ARL17B: variants seen among roughly 807,000 people sequenced by gnomAD.
The protein encoded by ARL17B is ADP-ribosylation factor-like protein 17.
chr17:46,278,990 CTTTCACCATGTTGGTCAGG>C (rs1482360442), intron 4 of ARL17B, among the ~76,000 whole-genome samples: 2 of 151,602 alleles, frequency 1.3e-5, no homozygotes, highest in Admixed American at 1.3e-4. Context: ...TACAGATGGG[CTTTCACCATGTTGGTCAGG>C]CTGGTCTCGA....
At chr17:46,274,378 T>C (rs1000862489), downstream of ARL17B, among the ~76,000 whole-genome samples, 4 of 152,274 alleles carry the variant, frequency 2.6e-5, no homozygotes, top group African/African-American at 9.6e-5. Flanking sequence ...CCAGAGTCTG[T>C]AGTCCAGGAC....
Position 46,317,124 on chromosome 17 carries a change from G to A in ARL17B, c.260-17459C>T, listed in dbSNP as rs2051181183. Among the ~76,000 whole-genome samples, 2 of 88,526 alleles carry A rather than the reference G, an allele frequency of 2.3e-5. 1 individual carries two copies. 58.1% of individuals were successfully genotyped at this position (88,526 alleles called of 152,430 possible). The stretch of plus-strand genomic sequence containing the variant: ...CATGGCCCGTTCTCAATGAGCTGTT[G>A]GGTACACCTCCCAGATGGGGTGGCG... On this transcript the variant is annotated intron_variant, in intron 3 of 4. Transcript: ENST00000434041.
chr17:46,290,667 G>A (rs1186733076), intron 4 of ARL17B, among the ~76,000 whole-genome samples: 2 of 152,092 alleles, frequency 1.3e-5, no homozygotes, highest in Non-Finnish European at 2.9e-5. Flanking sequence ...GGCTGGTCTC[G>A]AACTCCTGAC....
chr17:46,274,234 C>T (rs2732707), downstream of ARL17B, among the ~76,000 whole-genome samples: 15,597 of 144,004 alleles, frequency 0.11, 1 homozygote, highest in Middle Eastern at 0.18. Context: ...CACATACATC[C>T]ATAGTTGAAT....
Position 46,287,452 on chromosome 17 carries a change from G to A in ARL17B, c.*22-12034C>T, listed in dbSNP as rs548973128. On this transcript the variant is annotated intron_variant, in intron 4 of 4. Coordinates refer to the ARL17B transcript ENST00000570618. ...AGCAAAGCGCAAACACCAAGTAGAA[G>A]TTACACTACAAGGACCATGCAGGTC... Among the ~76,000 whole-genome samples the A allele has an allele frequency of 2.6e-5, 4 of 152,338 alleles. No individual in the cohort carries two copies. In the East Asian group the frequency reaches 7.7e-4, roughly 29 times the overall value.
At chr17:46,286,568 A>G (rs2049919860) in intron 4 of ARL17B, among the ~76,000 whole-genome samples, 1 of 152,256 alleles carries the variant, frequency 6.6e-6, no homozygotes, top group South Asian at 2.1e-4. Context: ...CAAATCTACC[A>G]TTAAACCACA....
At chr17:46,275,254 C>G in exon 5 of ARL17B, 1 of 481,294 alleles carries the variant, frequency 2.1e-6, no homozygotes, top group Admixed American at 4.2e-5. Context: ...CTGTTATGAC[C>G]AATAAAAACA....
chr17:46,332,459 TAAAA>T (rs1318003987), downstream of ARL17B: 1 of 500,640 alleles, frequency 2.0e-6, no homozygotes, highest in Non-Finnish European at 3.5e-6. Context: ...TTCAAAAAAA[TAAAA>T]AAGAACCTGT....
chr17:46,274,226 C>A (rs1262797396), downstream of ARL17B, among the ~76,000 whole-genome samples: 1 of 152,234 alleles, frequency 6.6e-6, no homozygotes, highest in African/African-American at 2.4e-5. Flanking sequence ...TTTTGTTTCA[C>A]ATACATCCAT....
At chr17:46,306,557 AC>A (rs1394415097) in intron 3 of ARL17B, among the ~76,000 whole-genome samples, 1 of 61,226 alleles carries the variant, frequency 1.6e-5, no homozygotes, top group African/African-American at 4.1e-5. Context: ...CAAAGAAGTG[AC>A]CCTCAAATTA....
At chr17:46,278,972 AT>A (rs1250485259) in intron 4 of ARL17B, among the ~76,000 whole-genome samples, 1 of 151,658 alleles carries the variant, frequency 6.6e-6, no homozygotes. Context: ...TAATTTTTGT[AT>A]TTTTAGTACA....
intron 4 of ARL17B, among the ~76,000 whole-genome samples, chr17:46,277,985 G>A (rs1328106690): frequency 3.3e-5 from 5 of 151,530 alleles, no homozygotes; most frequent in South Asian, 2.1e-4. Context: ...CGTTCTTGTC[G>A]CCCAGGCTGA....
chr17:46,280,317 T>G (rs2049726658), intron 4 of ARL17B, among the ~76,000 whole-genome samples: 1 of 151,980 alleles, frequency 6.6e-6, no homozygotes, highest in African/African-American at 2.4e-5. Context: ...TGAGGTGAGA[T>G]TGCACCACTG....
intron 4 of ARL17B, among the ~76,000 whole-genome samples, chr17:46,276,790 C>CTTTTCTTTTTTTTTTTTTTTTT (rs2049598576): frequency 5.2e-5 from 7 of 134,310 alleles, no homozygotes; most frequent in Admixed American, 7.7e-5. Context: ...TTCTTTTTTT[C>CTTTTCTTTTTTTTTTTTTTTTT]TTTTTTTTTT....
At position 46,317,180 on chromosome 17, in the gene ARL17B, C is replaced by T. The variant is rs1201300878; in HGVS notation, c.260-17515G>A. Among the ~76,000 whole-genome samples the T allele has an allele frequency of 3.6e-5, 3 of 84,344 alleles. 1 individual carries two copies. The highest frequency in any genetic ancestry group is 6.2e-5 in the African/African-American group (2 of 32,404). 55.3% of individuals were successfully genotyped at this position (84,344 alleles called of 152,430 possible). On this transcript the variant is annotated intron_variant, in intron 3 of 4. Coordinates refer to the ARL17B transcript ENST00000434041. ...GCAGAGGCGCTCCTCACATCCCAGA[C>T]GGGCATGCCCAGTTAGTTTTAAATT...
chr17:46,321,357 GAAAAAAAAAAA>G (rs763727306), intron 3 of ARL17B, among the ~76,000 whole-genome samples: 6 of 31,356 alleles, frequency 1.9e-4, no homozygotes, highest in Admixed American at 1.1e-3. Flanking sequence ...CTCCGTCTCA[GAAAAAAAAAAA>G]AAAAAAAAAA....
At chr17:46,323,479 C>A (rs1210627990) in intron 3 of ARL17B, among the ~76,000 whole-genome samples, 1 of 97,342 alleles carries the variant, frequency 1.0e-5, no homozygotes, top group African/African-American at 3.3e-5. Flanking sequence ...TCACTGCAAC[C>A]TCCACCTCCC....
chr17:46,288,008 C>T (rs62073172), intron 4 of ARL17B, among the ~76,000 whole-genome samples: 20,918 of 150,496 alleles, frequency 0.14, 1,874 homozygotes, highest in Non-Finnish European at 0.21. Flanking sequence ...CTGGCTTTGC[C>T]GATACCATTG....
chr17:46,276,015 C>T (rs1452773605), intron 4 of ARL17B, among the ~76,000 whole-genome samples: 6 of 152,198 alleles, frequency 3.9e-5, no homozygotes, highest in African/African-American at 9.7e-5. Context: ...CTCAGCCTCC[C>T]GAGTAGCTGG....
Sources: gnomAD v4.1 joint callset for allele counts (sites outside exome capture counted in the v4.1 genomes callset) on GRCh38, gnomAD v4.1.1 for gene constraint, MANE v1.5 for transcripts, NCBI Gene and HGNC (gene_info 2026-07-23, HGNC 2026-07-21) for gene names.